RILPL2: variants seen among roughly 807,000 people sequenced by gnomAD.
RILPL2 encodes the protein Rab interacting lysosomal protein like 2.
A neutral mutation model predicts 22.2 loss-of-function variants in RILPL2; 19 were observed. The ratio of observed to expected loss-of-function variants is 0.86; its 90% CI spans 0.60 to 1.25. RILPL2 has a LOEUF of 1.25. RILPL2 is among the 50% of genes most tolerant of loss of function. RILPL2 has a pLI of 0.00. For synonymous variants in RILPL2, 123 were observed against 111.6 expected (o/e 1.10, Z -0.64); for missense variants, 243 against 263.6 (o/e 0.92, Z 0.54).
At position 123,436,348 on chromosome 12, in the gene RILPL2, G is replaced by T. The variant is rs771725175; in HGVS notation, c.73C>A (p.Pro25Thr). ...GGGCTCTTGCCCAGCGCCCCCTCGG[G>T]CCCAACCTCGTCCCTCTCCTCGTCC... is the stretch of plus-strand genomic sequence containing the variant. ...EEDEERDEVG[P>T]EGALGKSPFQ... The change falls in exon 1 of 4, where the codon CCC (proline) becomes ACC (threonine). Residue 25 changes from proline to threonine, a missense_variant. By Grantham distance (38) the Pro-to-Thr change is conservative (BLOSUM62 -1). Coordinates refer to ENST00000280571, the MANE Select transcript of RILPL2 (RefSeq NM_145058.3). This position sits in a 1 kb window ranked among gnomAD's most constrained non-coding sequence, Gnocchi z 6.7. The T allele has an allele frequency of 7.1e-6, 11 of 1,559,728 alleles. No individual in the cohort carries two copies. In the East Asian group the frequency reaches 1.9e-4, roughly 27 times the overall value.
Position 123,429,436 on chromosome 12 carries a change from C to G in RILPL2, c.491+1072G>C, listed in dbSNP as rs558248929. 4.8e-5 allele frequency among the ~76,000 whole-genome samples: 7 copies of G among 147,188 alleles called. No individual in the cohort carries two copies. In the East Asian group the frequency reaches 1.5e-3, roughly 31 times the overall value. On this transcript the variant is annotated intron_variant, in intron 2 of 3. Coordinates refer to ENST00000280571, the MANE Select transcript of RILPL2 (RefSeq NM_145058.3). ...TCAGCCTCCCAGGTAGCTGGGATTA[C>G]AGGCGCCCGCCACCACACCTGGCTA...
intron 2 of RILPL2, among the ~76,000 whole-genome samples, chr12:123,427,964 G>A (rs759017783): frequency 6.6e-6 from 1 of 152,192 alleles, no homozygotes; most frequent in South Asian, 2.1e-4. Flanking sequence ...CACTAGAGAC[G>A]AAGCAGAATC....
At chr12:123,412,336 T>C (rs968887651), downstream of RILPL2, 1 of 152,262 alleles carries the variant, frequency 6.6e-6, no homozygotes. Flanking sequence ...AGATAGGTTC[T>C]TACTATGTTG....
downstream of RILPL2, chr12:123,413,369 G>C (rs1020439483): frequency 6.5e-6 from 1 of 153,660 alleles, no homozygotes; most frequent in Non-Finnish European, 1.4e-5. Context: ...CTGATGTTCA[G>C]ATGTGTTCGG....
Position 123,436,549 on chromosome 12 carries a change from T to TGGGCCCGGGGGG in RILPL2, c.-141_-130dup, listed in dbSNP as rs1441963257. On this transcript the variant is annotated 5_prime_UTR_variant, in exon 1 of 4. Coordinates refer to ENST00000280571, the MANE Select transcript of RILPL2 (RefSeq NM_145058.3). This position sits in a 1 kb window ranked among gnomAD's most constrained non-coding sequence, Gnocchi z 6.7. ...CTGCCCAATCAGCGCGGCCCGGGGGTGGGCCCGGGGGGATGGTGCAAGGGG... is the reference window on the plus strand; with the variant it reads ...CTGCCCAATCAGCGCGGCCCGGGGGTGGGCCCGGGGGGGGGCCCGGGGGGATGGTGCAAGGGG... 3 of 1,415,854 alleles carry TGGGCCCGGGGGG rather than the reference T, an allele frequency of 2.1e-6. No homozygotes were observed. The highest frequency in any genetic ancestry group is 2.8e-6 in the Non-Finnish European group (3 of 1,075,854). The allele number at this position is 1,415,854 out of a possible 1,614,324, so 87.7% of individuals were successfully genotyped here.
intron 3 of RILPL2, among the ~76,000 whole-genome samples, chr12:123,420,625 C>T (rs1000186067): frequency 4.0e-5 from 6 of 151,468 alleles, no homozygotes; most frequent in African/African-American, 9.7e-5. Flanking sequence ...TTAGTAGAGA[C>T]GGGGCTTCAC....
At chr12:123,433,060 G>A in intron 1 of RILPL2, among the ~76,000 whole-genome samples, 1 of 151,452 alleles carries the variant, frequency 6.6e-6, no homozygotes, top group African/African-American at 2.4e-5. Context: ...GAATTTCAGT[G>A]ACTCTGTTCC....
At chr12:123,428,658 G>A (rs535443245) in intron 2 of RILPL2, among the ~76,000 whole-genome samples, 69 of 152,242 alleles carry the variant, frequency 4.5e-4, no homozygotes, top group Non-Finnish European at 8.2e-4. Context: ...TAAATGCGGC[G>A]TGCTAATTAC....
At chr12:123,416,335 A>AAAAAGC (rs1566089039) in intron 3 of RILPL2, among the ~76,000 whole-genome samples, 1 of 148,598 alleles carries the variant, frequency 6.7e-6, no homozygotes, top group East Asian at 2.0e-4. Flanking sequence ...AAAGAAAAAG[A>AAAAAGC]AAAAGCAAAA....
chr12:123,424,941 G>A (rs976329412), intron 2 of RILPL2, among the ~76,000 whole-genome samples: 8 of 151,678 alleles, frequency 5.3e-5, no homozygotes, highest in African/African-American at 1.2e-4. Context: ...GAGTGGTGGC[G>A]CTACCTTGGC....
intron 3 of RILPL2, among the ~76,000 whole-genome samples, chr12:123,416,188 G>A (rs1283454235): frequency 6.6e-6 from 1 of 152,034 alleles, no homozygotes; most frequent in African/African-American, 2.4e-5. Context: ...ACCAGGCGTG[G>A]TGGCATACAC....
chr12:123,433,104 CT>C (rs372639257), intron 1 of RILPL2, among the ~76,000 whole-genome samples: 268 of 134,266 alleles, frequency 2.0e-3, no homozygotes, highest in Middle Eastern at 0.012. Flanking sequence ...GGTTTGTATA[CT>C]TTTTTTTTTT....
intron 1 of RILPL2, among the ~76,000 whole-genome samples, chr12:123,433,873 C>T (rs984347825): frequency 2.6e-5 from 4 of 152,138 alleles, no homozygotes; most frequent in Admixed American, 2.6e-4. Context: ...CAAGTAAGGT[C>T]AAATGTCTGT....
chr12:123,409,697 G>GCACCACCA, the RILPL2 span, among the ~76,000 whole-genome samples: 2 of 144,222 alleles, frequency 1.4e-5, no homozygotes, highest in Admixed American at 7.0e-5. Context: ...TTACAGGCAT[G>GCACCACCA]CACCACCACA....
At chr12:123,422,020 T>TTTTTG (rs1879297628) in intron 3 of RILPL2, among the ~76,000 whole-genome samples, 1 of 149,518 alleles carries the variant, frequency 6.7e-6, no homozygotes, top group Admixed American at 6.7e-5. Flanking sequence ...TTTTTTTTTT[T>TTTTTG]GAGATAGGGT....
At chr12:123,425,389 C>T (rs532915721) in intron 2 of RILPL2, among the ~76,000 whole-genome samples, 10 of 151,796 alleles carry the variant, frequency 6.6e-5, no homozygotes, top group Admixed American at 2.6e-4. Flanking sequence ...ATGTTGGCCA[C>T]GCTGGTTTTG....
chr12:123,429,887 A>T (rs1222453260), intron 2 of RILPL2, among the ~76,000 whole-genome samples: 1 of 151,626 alleles, frequency 6.6e-6, no homozygotes, highest in Non-Finnish European at 1.5e-5. Flanking sequence ...AGGCTGAGGC[A>T]GGTGGATCAC....
chr12:123,430,647 G>A lies in RILPL2; in HGVS notation c.352C>T (p.Pro118Ser). The A allele has an allele frequency of 6.3e-7, 1 of 1,591,608 alleles. No homozygotes were observed. The highest frequency in any genetic ancestry group is 8.6e-7 in the Non-Finnish European group (1 of 1,166,606). Residue 118 changes from proline to serine, a missense_variant, in exon 2 of 4, where the codon CCA becomes TCA. Coordinates refer to ENST00000280571, the MANE Select transcript of RILPL2 (RefSeq NM_145058.3). ...PPASGEVNLG[P>S]NKMVVDLTDP... ...GTCAGGTCAACCACCATTTTGTTTG[G>A]GCCCAGGTTCACCTGGAAGAAAAGA...
At chr12:123,420,603 AT>A (rs1432423321) in intron 3 of RILPL2, among the ~76,000 whole-genome samples, 14 of 150,350 alleles carry the variant, frequency 9.3e-5, no homozygotes, top group African/African-American at 3.4e-4. Flanking sequence ...TGCCCGGCTA[AT>A]TTTTGTATTT....
Sources: gnomAD v4.1 joint callset for allele counts (sites outside exome capture counted in the v4.1 genomes callset) on GRCh38, gnomAD v4.1.1 for gene constraint, Gnocchi (gnomAD v3.1) non-coding constraint, MANE v1.5 for transcripts, NCBI Gene and HGNC (gene_info 2026-07-23, HGNC 2026-07-21) for gene names.